The following GLIS1 variants were observed in gnomAD, a reference collection of about 807,000 sequenced individuals.
The protein encoded by GLIS1 is zinc finger protein GLIS1.
Under a neutral mutation model 63.8 loss-of-function variants are expected in GLIS1, and 24 were observed. The ratio of observed to expected loss-of-function variants is 0.38; its 90% CI spans 0.27 to 0.53. GLIS1 has a LOEUF of 0.53. GLIS1 is among the 20% of genes least tolerant of loss of function. GLIS1 has a pLI of 0.85. For synonymous variants in GLIS1, 450 were observed against 482.5 expected (o/e 0.93, Z 0.88); for missense variants, 1,036 against 1,074.1 (o/e 0.96, Z 0.50).
chr1:53,685,855 C>T (rs985282742), intron 2 of GLIS1, among the ~76,000 whole-genome samples: 5 of 152,218 alleles, frequency 3.3e-5, no homozygotes, highest in Non-Finnish European at 7.3e-5. Context: ...TGCTGGGAGC[C>T]GCTGCCACTG....
At chr1:53,529,660 C>T in intron 5 of GLIS1, 131 bp downstream of exon 5, 2 of 924,414 alleles carry the variant, frequency 2.2e-6, no homozygotes, top group Non-Finnish European at 3.3e-6. Context: ...ATCCGACCCA[C>T]TGCCCTGCCA....
chr1:53,533,669 G>C (rs1644553876), intron 4 of GLIS1, among the ~76,000 whole-genome samples: 1 of 152,196 alleles, frequency 6.6e-6, no homozygotes, highest in Non-Finnish European at 1.5e-5. Flanking sequence ...GGCACCCCTG[G>C]CAGAGCCAGA....
At chr1:53,737,647 G>A (rs1646924213) in intron 2 of GLIS1, among the ~76,000 whole-genome samples, 159 bp downstream of exon 2, 1 of 152,250 alleles carries the variant, frequency 6.6e-6, no homozygotes, top group Non-Finnish European at 1.5e-5. Flanking sequence ...TCGCAAAGCA[G>A]GCATACTTTC....
At chr1:53,730,128 G>A (rs1335441158) in intron 2 of GLIS1, among the ~76,000 whole-genome samples, 2 of 152,072 alleles carry the variant, frequency 1.3e-5, no homozygotes, top group East Asian at 1.9e-4. Flanking sequence ...CAGTGACTCC[G>A]CGGAGGCCTA....
chr1:53,530,784 C>G (rs1412901356), intron 4 of GLIS1, among the ~76,000 whole-genome samples: 7 of 152,222 alleles, frequency 4.6e-5, no homozygotes, highest in Non-Finnish European at 1.0e-4. Context: ...CCTTCAAAGT[C>G]AGCTCAAATG....
At chr1:53,573,806 G>C (rs940111950) in intron 4 of GLIS1, among the ~76,000 whole-genome samples, 1 of 152,204 alleles carries the variant, frequency 6.6e-6, no homozygotes, top group Admixed American at 6.5e-5. Flanking sequence ...TCCTAGAAAT[G>C]GACTTGGTAT....
Position 53,600,243 on chromosome 1 carries a change from C to T in GLIS1, c.295G>A (p.Glu99Lys). 1 of 1,232,108 alleles carries T rather than the reference C, an allele frequency of 8.1e-7. No homozygotes were observed. The highest frequency in any genetic ancestry group is 1.0e-6 in the Non-Finnish European group (1 of 987,942). The allele number at this position is 1,232,108 out of a possible 1,614,324, so 76.3% of individuals were successfully genotyped here. Residue 99 changes from glutamate (E) to lysine (K), a missense_variant, in exon 3 of 11, where the codon GAG becomes AAG. Physicochemically the swap from Glu to Lys is moderately conservative, Grantham distance 56 (BLOSUM62 1). This residue lies in a region of GLIS1 where 592 missense variants were observed against 593.9 expected (regional missense o/e 1.00). Transcript: ENST00000628545. ...AGGTCCAGGTCCAGCAGGCTCTTCTCTGAGCCCGGGGTACGGTGTCCGTAG... is the reference window on the plus strand; with the variant it reads ...AGGTCCAGGTCCAGCAGGCTCTTCTTTGAGCCCGGGGTACGGTGTCCGTAG... ...GSYGHRTPGS[E>K]KSLLDLDLAE...
chr1:53,719,828 C>A (rs11803461), intron 2 of GLIS1, among the ~76,000 whole-genome samples: 1 of 152,172 alleles, frequency 6.6e-6, no homozygotes, highest in East Asian at 1.9e-4. Flanking sequence ...ACCCTATGAT[C>A]CAGCAATCCC....
At chr1:53,516,927 G>A (rs987272296) in intron 7 of GLIS1, among the ~76,000 whole-genome samples, 3 of 152,184 alleles carry the variant, frequency 2.0e-5, no homozygotes, top group East Asian at 3.9e-4. Context: ...AGCACCCTAC[G>A]TTACATTACA....
At chr1:53,606,331 G>A (rs372445103) in intron 2 of GLIS1, among the ~76,000 whole-genome samples, 1 of 152,186 alleles carries the variant, frequency 6.6e-6, no homozygotes, top group Non-Finnish European at 1.5e-5. Context: ...CCAGGAGGCT[G>A]AGCATGGGCG....
intron 4 of GLIS1, among the ~76,000 whole-genome samples, chr1:53,590,262 G>T (rs921219578): frequency 1.3e-5 from 2 of 152,138 alleles, no homozygotes; most frequent in African/African-American, 4.8e-5. Context: ...TAAGTCACCA[G>T]CACGAGGTCA....
chr1:53,664,625 C>A (rs913215745), intron 2 of GLIS1, among the ~76,000 whole-genome samples: 2 of 152,172 alleles, frequency 1.3e-5, no homozygotes, highest in African/African-American at 4.8e-5. Flanking sequence ...AACAGAAACC[C>A]CTGCCCTCAC....
intron 4 of GLIS1, among the ~76,000 whole-genome samples, chr1:53,556,468 G>GGTAT (rs1644828987): frequency 7.2e-6 from 1 of 137,962 alleles, no homozygotes; most frequent in African/African-American, 2.8e-5. Context: ...GTGTACTGCA[G>GGTAT]GTGTGTGCGT....
At chr1:53,723,028 G>A (rs1017909515) in intron 2 of GLIS1, among the ~76,000 whole-genome samples, 17 of 150,670 alleles carry the variant, frequency 1.1e-4, no homozygotes, top group African/African-American at 3.7e-4. Flanking sequence ...AGCTACTCAG[G>A]AGGCTGAGGC....
At chr1:53,674,186 A>AG (rs909492748) in intron 2 of GLIS1, among the ~76,000 whole-genome samples, 4 of 151,622 alleles carry the variant, frequency 2.6e-5, no homozygotes, top group African/African-American at 7.3e-5. Context: ...AAAAAAAAAA[A>AG]AAAGAAAAGA....
At chr1:53,619,581 C>A (rs1306594270) in intron 2 of GLIS1, among the ~76,000 whole-genome samples, 1 of 152,244 alleles carries the variant, frequency 6.6e-6, no homozygotes, top group African/African-American at 2.4e-5. Context: ...GAAATGACTT[C>A]TCCGGAATAA....
At chr1:53,605,859 A>T (rs1177883811) in intron 2 of GLIS1, among the ~76,000 whole-genome samples, 1 of 152,186 alleles carries the variant, frequency 6.6e-6, no homozygotes, top group Non-Finnish European at 1.5e-5. Context: ...GCCCACAGCA[A>T]GTGCTTAGAA....
rs1463014496 is a variant in GLIS1, at chr1:53,624,212, A to G, written c.260-23934T>C. ...ATAAGAATAGACATAGATCAACAGA[A>G]CAAACAAAGTCTACAATTAAATCCA... On this transcript the variant is annotated intron_variant, in intron 2 of 10. Coordinates refer to ENST00000628545, the MANE Select transcript of GLIS1 (RefSeq NM_001367484.1). Among the ~76,000 whole-genome samples the G allele has an allele frequency of 2.0e-5, 3 of 152,232 alleles. No individual in the cohort carries two copies. In the East Asian group the frequency reaches 5.8e-4, roughly 29 times the overall value.
At chr1:53,579,875 G>A (rs3006879) in intron 4 of GLIS1, among the ~76,000 whole-genome samples, 150,862 of 152,344 alleles carry the variant, frequency 0.99, 74,713 homozygotes, top group Middle Eastern at 1. Flanking sequence ...CAGTGTCTGC[G>A]TTGGAAAGAT....
Sources: allele counts gnomAD v4.1 joint callset (sites outside exome capture counted in the v4.1 genomes callset), GRCh38; gene constraint gnomAD v4.1.1; regional missense constraint gnomAD v4.1.1; transcripts MANE v1.5; gene names NCBI Gene and HGNC (gene_info 2026-07-23, HGNC 2026-07-21).